CBLB: variants seen among roughly 807,000 people sequenced by gnomAD.
The protein encoded by CBLB is E3 ubiquitin-protein ligase CBL-B.
CBLB carries 31 observed loss-of-function variants against 104.9 expected under a neutral mutation model. That is an observed-to-expected ratio of 0.30 (90% CI 0.22 to 0.40). The LOEUF (loss-of-function observed/expected upper bound fraction) is 0.40. CBLB is among the 10% of genes least tolerant of loss of function. CBLB has a pLI of 1.00. For missense variants in CBLB, 1,062 were observed against 1,214.6 expected (o/e 0.87, Z 1.87); for synonymous variants, 440 against 422.6 (o/e 1.04, Z -0.51).
At chr3:105,670,619 T>C in intron 17 of CBLB, 1 of 403,930 alleles carries the variant, frequency 2.5e-6, no homozygotes, top group South Asian at 2.6e-5. Context: ...AATTATAAGA[T>C]TGTTGACAAT....
At chr3:105,719,832 G>A (rs867392098) in intron 10 of CBLB, among the ~76,000 whole-genome samples, 2 of 152,148 alleles carry the variant, frequency 1.3e-5, no homozygotes, top group African/African-American at 4.8e-5. Context: ...ACAGCTCCAC[G>A]TGTGTTACTG....
intron 3 of CBLB, among the ~76,000 whole-genome samples, chr3:105,836,611 T>C (rs2088555504): frequency 1.3e-5 from 2 of 152,126 alleles, no homozygotes; most frequent in Admixed American, 6.5e-5. Context: ...CAGTATGGCC[T>C]GAGAAATAGG....
intron 8 of CBLB, among the ~76,000 whole-genome samples, chr3:105,736,371 C>T (rs533301980): frequency 6.6e-6 from 1 of 151,940 alleles, no homozygotes; most frequent in Admixed American, 6.6e-5. Flanking sequence ...AGAAGTTGAA[C>T]GTACATAATG....
chr3:105,744,022 T>C lies in CBLB; in HGVS notation c.845+1895A>G, dbSNP rs1197524318. On this transcript the variant is annotated intron_variant, in intron 6 of 18. Coordinates refer to ENST00000394030, the MANE Select transcript of CBLB (RefSeq NM_170662.5). The stretch of plus-strand genomic sequence containing the variant: ...ACAAAAAAGCTGTATAAAATGTATA[T>C]ATTGTACACATTTGAAGATAAGTTT... 2.0e-5 allele frequency among the ~76,000 whole-genome samples: 3 copies of C among 152,176 alleles called. No individual in the cohort carries two copies. The East Asian group carries it at 5.8e-4, about 29-fold the overall frequency.
intron 4 of CBLB, 32 bp from the exon 5 acceptor site, chr3:105,751,650 G>T: frequency 6.3e-7 from 1 of 1,578,106 alleles, no homozygotes; most frequent in Non-Finnish European, 8.7e-7. Context: ...GGAAATAATT[G>T]AATCAAGTAT....
chr3:105,839,131 C>G (rs758251791), intron 3 of CBLB, among the ~76,000 whole-genome samples: 2 of 152,064 alleles, frequency 1.3e-5, no homozygotes, highest in Non-Finnish European at 2.9e-5. Flanking sequence ...CACTCTTTAC[C>G]AATATATGTG....
intron 11 of CBLB, among the ~76,000 whole-genome samples, chr3:105,702,857 G>C (rs936776075): frequency 4.6e-5 from 7 of 152,078 alleles, no homozygotes; most frequent in African/African-American, 1.7e-4. Flanking sequence ...TTTTTAAAGA[G>C]TAACTTGATT....
At chr3:105,678,612 T>C in intron 16 of CBLB, 41 bp from the exon 17 acceptor site, 1 of 1,584,374 alleles carries the variant, frequency 6.3e-7, no homozygotes, top group Non-Finnish European at 8.6e-7. Context: ...CAGAACTTCA[T>C]TAATCAAAAT....
intron 3 of CBLB, among the ~76,000 whole-genome samples, chr3:105,844,696 A>C (rs990561752): frequency 1.3e-5 from 2 of 152,192 alleles, no homozygotes; most frequent in Admixed American, 1.3e-4. Flanking sequence ...TTCACATCAA[A>C]ACAATCAGAC....
chr3:105,819,443 T>C (rs896823947), intron 3 of CBLB, among the ~76,000 whole-genome samples: 14 of 150,876 alleles, frequency 9.3e-5, no homozygotes, highest in Admixed American at 4.0e-4. Flanking sequence ...GCTGAGATTG[T>C]GCCACTGAAC....
At chr3:105,684,123 G>A (rs1202398725) in intron 14 of CBLB, among the ~76,000 whole-genome samples, 2 of 152,196 alleles carry the variant, frequency 1.3e-5, no homozygotes, top group Admixed American at 6.5e-5. Flanking sequence ...ACTAAGTAAA[G>A]ATGGCACAGA....
chr3:105,839,548 T>C (rs1332467973), intron 3 of CBLB: 1 of 152,256 alleles, frequency 6.6e-6, no homozygotes, highest in Admixed American at 6.5e-5. Context: ...TTTTTAAGAC[T>C]GTTATGAAAA....
intron 12 of CBLB, among the ~76,000 whole-genome samples, chr3:105,700,275 T>C (rs1276616998): frequency 6.6e-6 from 1 of 152,110 alleles, no homozygotes; most frequent in Non-Finnish European, 1.5e-5. Flanking sequence ...AACTATAACA[T>C]GTTATCTAAA....
At chr3:105,777,843 T>G (rs1159188697) in intron 3 of CBLB, among the ~76,000 whole-genome samples, 2 of 152,186 alleles carry the variant, frequency 1.3e-5, no homozygotes, top group African/African-American at 4.8e-5. Flanking sequence ...TACAAAACAG[T>G]ACTATCAATC....
intron 6 of CBLB, among the ~76,000 whole-genome samples, chr3:105,745,274 C>T (rs1255853186): frequency 1.3e-5 from 2 of 152,162 alleles, no homozygotes; most frequent in Non-Finnish European, 2.9e-5. Context: ...TTTCTGGATC[C>T]AGATTTGCCA....
At chr3:105,808,933 G>A (rs1301434634) in intron 3 of CBLB, among the ~76,000 whole-genome samples, 2 of 152,082 alleles carry the variant, frequency 1.3e-5, no homozygotes, top group African/African-American at 2.4e-5. Flanking sequence ...TAACTTAATT[G>A]TAGCTTTTAG....
At position 105,867,550 on chromosome 3, in the gene CBLB, G is replaced by A. The variant is rs1440034813; in HGVS notation, c.28C>T (p.Pro10Ser). The change falls in exon 2 of 19, where the codon CCT becomes TCT. Residue 10 changes from proline to serine, a missense_variant. This residue lies in a region of CBLB where 457 missense variants were observed against 632.0 expected (regional missense o/e 0.72). Transcript: ENST00000394030. ...CGGGGATTTCCTCCTCGACCACCAG[G>A]GTTTCTGCCATTCATTGAGTTTGCC... MANSMNGRNPGGRGGNPRKG... is the reference protein window; with the variant it reads MANSMNGRNSGGRGGNPRKG... The A allele has an allele frequency of 3.7e-6, 6 of 1,614,044 alleles. No individual in the cohort carries two copies. The highest frequency in any genetic ancestry group is 5.1e-6 in the Non-Finnish European group (6 of 1,180,006).
intron 4 of CBLB, among the ~76,000 whole-genome samples, chr3:105,772,429 A>T (rs998144332): frequency 6.6e-6 from 1 of 152,230 alleles, no homozygotes; most frequent in Non-Finnish European, 1.5e-5. Context: ...CTACAAGATA[A>T]CATCAAAGAA....
chr3:105,778,091 C>G (rs1252316854), intron 3 of CBLB, among the ~76,000 whole-genome samples: 1 of 151,476 alleles, frequency 6.6e-6, no homozygotes, highest in Non-Finnish European at 1.5e-5. Context: ...GTATGTGCAC[C>G]TGTATATATG....
Sources: allele counts gnomAD v4.1 joint callset (sites outside exome capture counted in the v4.1 genomes callset), GRCh38; gene constraint gnomAD v4.1.1; regional missense constraint gnomAD v4.1.1; transcripts MANE v1.5; gene names NCBI Gene and HGNC (gene_info 2026-07-23, HGNC 2026-07-21).